RBFOX1: variants seen among roughly 807,000 people sequenced by gnomAD.
The protein encoded by RBFOX1 is RNA binding protein fox-1 homolog 1.
RBFOX1 carries 8 observed loss-of-function variants against 57.7 expected under a neutral mutation model. The observed-to-expected ratio is 0.14, with a 90% CI of 0.08 to 0.25. The LOEUF (loss-of-function observed/expected upper bound fraction) is 0.25, where lower values mean the gene tolerates loss of function less well. RBFOX1 is among the 10% of genes least tolerant of loss of function. The probability of loss-of-function intolerance (pLI) is 1.00; values close to 1 mark genes in which losing one functional copy is unlikely to be tolerated. For missense variants in RBFOX1, 611 were observed against 548.5 expected (o/e 1.11, Z -1.14); for synonymous variants, 326 against 222.4 (o/e 1.47, Z -4.15).
At chr16:7,044,416 G>T (rs1055007448) in intron 3 of RBFOX1, among the ~76,000 whole-genome samples, 1 of 152,176 alleles carries the variant, frequency 6.6e-6, no homozygotes, top group East Asian at 1.9e-4. Context: ...GGATGAAAAA[G>T]GCTGAGTGAG....
intron 3 of RBFOX1, among the ~76,000 whole-genome samples, chr16:5,779,873 C>T (rs2054271706): frequency 6.6e-6 from 1 of 152,166 alleles, no homozygotes; most frequent in Admixed American, 6.5e-5. Context: ...TCTGCCTGAT[C>T]TTCAGTTTTC....
At chr16:6,945,471 T>G (rs1020805138) in intron 3 of RBFOX1, among the ~76,000 whole-genome samples, 21 of 45,038 alleles carry the variant, frequency 4.7e-4, no homozygotes, top group African/African-American at 3.1e-3. Flanking sequence ...GATATTTTGA[T>G]TTTTTTTTTT....
chr16:5,703,465 A>C (rs2051125553), intron 3 of RBFOX1, among the ~76,000 whole-genome samples: 1 of 152,218 alleles, frequency 6.6e-6, no homozygotes, highest in Non-Finnish European at 1.5e-5. Context: ...GAGTGGCATG[A>C]GGCGAAGCCA....
At chr16:6,701,643 C>T (rs527540737) in intron 3 of RBFOX1, among the ~76,000 whole-genome samples, 102 of 152,158 alleles carry the variant, frequency 6.7e-4, no homozygotes, top group African/African-American at 2.2e-3. Flanking sequence ...TAAAGGCGTA[C>T]GTACACCTGT....
At chr16:6,397,641 G>C (rs954837100) in intron 2 of RBFOX1, among the ~76,000 whole-genome samples, 5 of 152,154 alleles carry the variant, frequency 3.3e-5, no homozygotes, top group Admixed American at 3.3e-4. Flanking sequence ...TAATATAAAA[G>C]GTTATAATGC....
chr16:6,812,481 C>T (rs776941086), intron 3 of RBFOX1, among the ~76,000 whole-genome samples: 3 of 152,088 alleles, frequency 2.0e-5, no homozygotes. Context: ...TCAAGTGATT[C>T]TCTTGCCATA....
chr16:7,437,254 C>T (rs1164610978), intron 4 of RBFOX1, among the ~76,000 whole-genome samples: 2 of 133,436 alleles, frequency 1.5e-5, no homozygotes, highest in East Asian at 2.1e-4. Flanking sequence ...ATCTTTGCCC[C>T]CCCCCCCTTT....
chr16:7,580,484 A>T (rs1378947714), intron 6 of RBFOX1, among the ~76,000 whole-genome samples: 2 of 152,186 alleles, frequency 1.3e-5, no homozygotes. Flanking sequence ...TTCTAAGTCC[A>T]TGTTGATTCC....
chr16:6,826,341 C>G (rs546508869), intron 3 of RBFOX1, among the ~76,000 whole-genome samples: 227 of 152,090 alleles, frequency 1.5e-3, no homozygotes, highest in Non-Finnish European at 2.2e-3. Flanking sequence ...GGGGAGACCC[C>G]CTTCTTATTT....
chr16:5,249,943 G>T (rs111386325), intron 1 of RBFOX1, among the ~76,000 whole-genome samples: 1 of 151,120 alleles, frequency 6.6e-6, no homozygotes, highest in Non-Finnish European at 1.5e-5. Flanking sequence ...CAGTGAGGAG[G>T]AGGTTACAGT....
At chr16:6,855,845 C>CTTTCCCCCCCTG (rs1555533190) in intron 3 of RBFOX1, among the ~76,000 whole-genome samples, 1 of 114,674 alleles carries the variant, frequency 8.7e-6, no homozygotes, top group African/African-American at 3.0e-5. Flanking sequence ...TTCCCTCCCT[C>CTTTCCCCCCCTG]TTTCCCTCCC....
intron 2 of RBFOX1, among the ~76,000 whole-genome samples, chr16:6,554,395 C>T (rs1317701786): frequency 6.6e-6 from 1 of 152,082 alleles, no homozygotes; most frequent in Non-Finnish European, 1.5e-5. Context: ...GGAGCGTGGA[C>T]TGCAAATGTG....
At chr16:7,510,784 T>C (rs1418950998) in intron 4 of RBFOX1, among the ~76,000 whole-genome samples, 2 of 152,134 alleles carry the variant, frequency 1.3e-5, no homozygotes, top group Non-Finnish European at 2.9e-5. Flanking sequence ...CCATCAAGAA[T>C]GGATAGTTTT....
In RBFOX1 at chr16:6,516,971, A is replaced by C. The variant is rs188952191; in HGVS notation, c.-63-137632A>C. Among the ~76,000 whole-genome samples the C allele has an allele frequency of 2.0e-5, 3 of 152,286 alleles. No homozygotes were observed. In the East Asian group the frequency reaches 5.8e-4, roughly 29 times the overall value. On this transcript the variant is annotated intron_variant, in intron 2 of 15. Coordinates refer to ENST00000550418, the MANE Select transcript of RBFOX1 (RefSeq NM_018723.4). The stretch of plus-strand genomic sequence containing the variant: ...AAATATGCTCTGGGGGCAGAGATAA[A>C]GTATGAGGCTAGGTCAGAAGCTGTG...
chr16:5,773,800 C>T (rs550866361), intron 3 of RBFOX1, among the ~76,000 whole-genome samples: 62 of 152,170 alleles, frequency 4.1e-4, no homozygotes, highest in Non-Finnish European at 7.5e-4. Context: ...CAGGTTCAAG[C>T]GGTTCTACTG....
intron 1 of RBFOX1, among the ~76,000 whole-genome samples, chr16:6,273,847 C>G (rs149733847): frequency 1.3e-3 from 198 of 152,074 alleles, no homozygotes; most frequent in Non-Finnish European, 2.3e-3. Context: ...ATGAGGAACT[C>G]TCAAAACTGA....
intron 3 of RBFOX1, among the ~76,000 whole-genome samples, chr16:6,939,805 C>G (rs1269616325): frequency 2.0e-5 from 3 of 152,140 alleles, no homozygotes; most frequent in African/African-American, 7.2e-5. Flanking sequence ...AGCCATCATG[C>G]TGGACCAGAA....
chr16:6,003,183 G>A (rs1178122157), intron 4 of RBFOX1, among the ~76,000 whole-genome samples: 1 of 151,726 alleles, frequency 6.6e-6, no homozygotes, highest in Non-Finnish European at 1.5e-5. Context: ...GGAAGCTGAC[G>A]CAGGAGAATG....
chr16:7,665,673 T>A (rs17144516), intron 13 of RBFOX1, among the ~76,000 whole-genome samples: 9,291 of 152,230 alleles, frequency 0.061, 503 homozygotes, highest in African/African-American at 0.14. Flanking sequence ...CATTATGATA[T>A]GAGCATTGAC....
Sources: gnomAD v4.1 joint callset for allele counts (sites outside exome capture counted in the v4.1 genomes callset) on GRCh38, gnomAD v4.1.1 for gene constraint, MANE v1.5 for transcripts, NCBI Gene and HGNC (gene_info 2026-07-23, HGNC 2026-07-21) for gene names.